Variants in KIAA0930 observed in about 807,000 individuals in gnomAD.
KIAA0930 encodes KIAA0930.
In KIAA0930, 24 loss-of-function variants were observed where a neutral mutation model predicts 43.9. The observed-to-expected ratio is 0.55, with a 90% CI of 0.40 to 0.77. KIAA0930 has a LOEUF of 0.77. Among genes scored for constraint, KIAA0930 ranks in the 30% least tolerant of loss-of-function variants. The pLI, the probability that KIAA0930 is intolerant of heterozygous loss-of-function variation, is 0.00. For missense variants in KIAA0930, 461 were observed against 574.2 expected, an observed-to-expected ratio of 0.80 and a Z score of 2.02; for synonymous variants, 259 against 216.4, an observed-to-expected ratio of 1.20 and a Z score of -1.73.
chr22:45,232,272 T>C (rs886179420), intron 1 of KIAA0930, among the ~76,000 whole-genome samples: 13 of 152,202 alleles, frequency 8.5e-5, no homozygotes, highest in African/African-American at 2.9e-4. Flanking sequence ...CTTCATAACA[T>C]GTGGATTTGT....
intron 1 of KIAA0930, among the ~76,000 whole-genome samples, chr22:45,222,499 GA>G (rs1302096231): frequency 6.6e-6 from 1 of 152,068 alleles, no homozygotes; most frequent in African/African-American, 2.4e-5. Flanking sequence ...TTGTAGAGAT[GA>G]GGTCTCACTA....
At chr22:45,219,985 T>A (rs1466979003) in intron 1 of KIAA0930, among the ~76,000 whole-genome samples, 1 of 152,122 alleles carries the variant, frequency 6.6e-6, no homozygotes, top group South Asian at 2.1e-4. Flanking sequence ...CTAAGAAACA[T>A]GCCAATTCTT....
intron 2 of KIAA0930, among the ~76,000 whole-genome samples, chr22:45,208,556 C>CCAACTCCACA (rs2083662536): frequency 6.6e-6 from 1 of 152,050 alleles, no homozygotes; most frequent in African/African-American, 2.4e-5. Context: ...CAGGCAGAAC[C>CCAACTCCACA]CGCCCGGGAA....
At chr22:45,234,221 T>C (rs982262942) in intron 1 of KIAA0930, among the ~76,000 whole-genome samples, 3 of 152,088 alleles carry the variant, frequency 2.0e-5, no homozygotes, top group Admixed American at 6.5e-5. Context: ...AGTGTGCGTG[T>C]GGGTGCCGTT....
chr22:45,196,440 A>G lies in KIAA0930; in HGVS notation c.*736T>C, dbSNP rs1016400911. 6.6e-6 allele frequency: 1 copy of G among 152,600 alleles called. No individual in the cohort carries two copies. Among genetic ancestry groups the G allele is most frequent in the Non-Finnish European group, 1.5e-5 (1 of 68,058 alleles). 9.5% of individuals were successfully genotyped at this position (152,600 alleles called of 1,614,324 possible). A position where few individuals can be genotyped will look rare whatever the true frequency, so the allele number is the denominator to read the frequency against. On this transcript the variant is annotated 3_prime_UTR_variant, in exon 10 of 10. Transcript: ENST00000336156. This position sits in a 1 kb window ranked among gnomAD's most constrained non-coding sequence, Gnocchi z 4.1. ...GGCCTCCCGACTACCCTCAGAATCC[A>G]AATTCTGCAGGTTCCTCCGTGCGAG... is the stretch of plus-strand genomic sequence containing the variant.
intron 1 of KIAA0930, among the ~76,000 whole-genome samples, chr22:45,221,884 G>A (rs55793970): frequency 0.095 from 14,401 of 152,144 alleles, 742 homozygotes; most frequent in East Asian, 0.18. Flanking sequence ...ACAGGCATGC[G>A]CAACCACGCC....
intron 5 of KIAA0930, among the ~76,000 whole-genome samples, chr22:45,204,493 C>T (rs575646612): frequency 2.0e-5 from 3 of 152,300 alleles, no homozygotes; most frequent in Non-Finnish European, 4.4e-5. Flanking sequence ...AAGACTTAGA[C>T]GCAAATCTCA....
At chr22:45,204,532 T>C (rs753072512) in intron 5 of KIAA0930, among the ~76,000 whole-genome samples, 5 of 152,150 alleles carry the variant, frequency 3.3e-5, no homozygotes, top group Non-Finnish European at 7.4e-5. Context: ...TACGTGTGCC[T>C]GGGGAGGGGA....
intron 1 of KIAA0930, among the ~76,000 whole-genome samples, chr22:45,214,949 G>A (rs2083722224): frequency 6.6e-6 from 1 of 151,338 alleles, no homozygotes; most frequent in Non-Finnish European, 1.5e-5. Context: ...CAGGTGCAGT[G>A]GCTCACACCT....
chr22:45,200,048 A>T lies in KIAA0930; in HGVS notation c.853-13T>A. 1 of 1,583,916 alleles carries T rather than the reference A, an allele frequency of 6.3e-7. No individual in the cohort carries two copies. Among genetic ancestry groups the T allele is most frequent in the South Asian group, 1.1e-5 (1 of 87,882 alleles). ...TGAAGGAGGTCACCTGGGAACAAGC[A>T]GCCAAAGTCACCAGAGTAGCAGAAC... On this transcript the variant is annotated splice_polypyrimidine_tract_variant and intron_variant, in intron 7 of 9. Coordinates refer to ENST00000336156, the MANE Select transcript of KIAA0930 (RefSeq NM_001009880.2).
chr22:45,196,929 AGATGGGTGGGGGGC>A lies in KIAA0930; in HGVS notation c.*233_*246del. 4 of 475,190 alleles carry A rather than the reference AGATGGGTGGGGGGC, an allele frequency of 8.4e-6. No individual in the cohort carries two copies. The highest frequency in any genetic ancestry group is 6.5e-5 in the South Asian group (2 of 30,698). The allele number at this position is 475,190 out of a possible 1,614,324, so 29.4% of individuals were successfully genotyped here. A position where few individuals can be genotyped will look rare whatever the true frequency, so the allele number is the denominator to read the frequency against. On this transcript the variant is annotated 3_prime_UTR_variant, in exon 10 of 10. Transcript: ENST00000336156. This position sits in a 1 kb window ranked among gnomAD's most constrained non-coding sequence, Gnocchi z 4.1. The stretch of plus-strand genomic sequence containing the variant: ...TCTTTGGGTGCAGAGGGCTCTCCAG[AGATGGGTGGGGGGC>A]GATGGGCGGGGGGCACAGGGCGGAG...
intron 7 of KIAA0930, chr22:45,200,277 T>C (rs543872785): frequency 2.7e-4 from 115 of 431,238 alleles, no homozygotes; most frequent in African/African-American, 2.2e-3. Flanking sequence ...GGGGCCAGGC[T>C]GCTGCCGCAA....
intron 1 of KIAA0930, chr22:45,226,427 C>CA: frequency 2.3e-6 from 1 of 426,834 alleles, no homozygotes; most frequent in Non-Finnish European, 4.9e-6. Flanking sequence ...AGGTGCCTTG[C>CA]ATGGCGGGGG....
At position 45,203,953 on chromosome 22, in the gene KIAA0930, C is replaced by G; in HGVS notation, c.549G>C (p.Glu183Asp). ...TAGCCACCAGCTCCACACAGACCATCTCTCCTTCCCCTACGGTCATGTCGC... is the reference window on the plus strand; with the variant it reads ...TAGCCACCAGCTCCACACAGACCATGTCTCCTTCCCCTACGGTCATGTCGC... ...VFSDMTVGEGEMVCVELVASD... is the reference protein window; with the variant it reads ...VFSDMTVGEGDMVCVELVASD... Residue 183 changes from glutamate to aspartate, a missense_variant, in exon 6 of 10, where the codon GAG becomes GAC. Coordinates refer to ENST00000336156, the MANE Select transcript of KIAA0930 (RefSeq NM_001009880.2). The G allele has an allele frequency of 6.2e-7, 1 of 1,614,100 alleles. No homozygotes were observed. Among genetic ancestry groups the G allele is most frequent in the East Asian group, 2.2e-5 (1 of 44,884 alleles).
Position 45,197,076 on chromosome 22 carries a change from G to A in KIAA0930, c.*100C>T. Reference sequence around the variant, plus strand: ...CTCGCCTGGCTGCGGCTCCAGCACTGGCGTGCCATCGCAGACCCCGGTGGC... The same window carrying A: ...CTCGCCTGGCTGCGGCTCCAGCACTAGCGTGCCATCGCAGACCCCGGTGGC... On this transcript the variant is annotated 3_prime_UTR_variant, in exon 10 of 10. Coordinates refer to ENST00000336156, the MANE Select transcript of KIAA0930 (RefSeq NM_001009880.2). 1.9e-6 allele frequency: 2 copies of A among 1,036,496 alleles called. No homozygotes were observed. Among genetic ancestry groups the A allele is most frequent in the Non-Finnish European group, 2.7e-6 (2 of 738,134 alleles). 64.2% of individuals were successfully genotyped at this position (1,036,496 alleles called of 1,614,324 possible).
chr22:45,220,073 C>CA (rs1354923619), intron 1 of KIAA0930, among the ~76,000 whole-genome samples: 9 of 152,002 alleles, frequency 5.9e-5, no homozygotes, highest in Non-Finnish European at 1.0e-4. Context: ...GATGTCAAGA[C>CA]AAAAATCTTA....
chr22:45,219,824 C>T (rs1446009218), intron 1 of KIAA0930, among the ~76,000 whole-genome samples: 28 of 151,950 alleles, frequency 1.8e-4, no homozygotes, highest in Admixed American at 1.8e-3. Flanking sequence ...TGCCTGAGCT[C>T]AAGCAATCCG....
At chr22:45,222,841 G>C (rs1479974623) in intron 1 of KIAA0930, among the ~76,000 whole-genome samples, 1 of 152,172 alleles carries the variant, frequency 6.6e-6, no homozygotes, top group East Asian at 1.9e-4. Context: ...AACATGCTCA[G>C]CTTGACACAA....
chr22:45,210,678 C>G (rs1287180054), intron 2 of KIAA0930, among the ~76,000 whole-genome samples: 3 of 151,200 alleles, frequency 2.0e-5, no homozygotes, highest in Non-Finnish European at 4.4e-5. Flanking sequence ...GAGCCCTGAG[C>G]CAGCTCCAGA....
Sources: allele counts gnomAD v4.1 joint callset (sites outside exome capture counted in the v4.1 genomes callset), GRCh38; gene constraint gnomAD v4.1.1; non-coding constraint Gnocchi (gnomAD v3.1); transcripts MANE v1.5; gene names NCBI Gene and HGNC (gene_info 2026-07-23, HGNC 2026-07-21).